The following ROBO1 variants were observed in gnomAD, a reference collection of about 807,000 sequenced individuals.
ROBO1 encodes roundabout homolog 1.
Under a neutral mutation model 195.9 loss-of-function variants are expected in ROBO1, and 149 were observed. The observed-to-expected ratio is 0.76, with a 90% CI of 0.67 to 0.87. The LOEUF (loss-of-function observed/expected upper bound fraction) is 0.87. Among genes scored for constraint, ROBO1 ranks in the 40% least tolerant of loss-of-function variants. The pLI is 0.00. For missense variants in ROBO1, 1,933 were observed against 2,068.3 expected (o/e 0.93, Z 1.27); for synonymous variants, 816 against 733.2 (o/e 1.11, Z -1.82).
chr3:79,240,000 A>G (rs1054987691), intron 2 of ROBO1, among the ~76,000 whole-genome samples: 1 of 152,218 alleles, frequency 6.6e-6, no homozygotes, highest in African/African-American at 2.4e-5. Context: ...TGACCGAATC[A>G]AACTAATTAA....
intron 4 of ROBO1, among the ~76,000 whole-genome samples, chr3:78,896,648 T>A: frequency 7.4e-6 from 1 of 135,794 alleles, no homozygotes; most frequent in Non-Finnish European, 1.5e-5. Flanking sequence ...ATAAACAGCC[T>A]TGTTGCTCAC....
intron 3 of ROBO1, among the ~76,000 whole-genome samples, chr3:79,001,311 A>C (rs1323887579): frequency 1.3e-5 from 2 of 152,086 alleles, no homozygotes; most frequent in Non-Finnish European, 1.5e-5. Context: ...TAAAACCATC[A>C]GATCTCATGA....
intron 3 of ROBO1, among the ~76,000 whole-genome samples, chr3:78,977,605 T>C (rs1030666365): frequency 2.0e-5 from 3 of 150,464 alleles, no homozygotes; most frequent in South Asian, 2.1e-4. Context: ...ATATATAATA[T>C]ATATTTTAAA....
intron 4 of ROBO1, among the ~76,000 whole-genome samples, chr3:78,879,668 G>A (rs1279680897): frequency 1.3e-5 from 2 of 151,352 alleles, no homozygotes; most frequent in South Asian, 2.1e-4. Context: ...CAATAAAAAC[G>A]TAGTCGGAAG....
chr3:78,838,998 GT>G (rs2032972606), intron 4 of ROBO1, among the ~76,000 whole-genome samples: 1 of 152,052 alleles, frequency 6.6e-6, no homozygotes, highest in Admixed American at 6.5e-5. Context: ...CTATTACCTT[GT>G]TTGATAAGCA....
At chr3:79,236,652 C>T (rs1284610243) in intron 2 of ROBO1, among the ~76,000 whole-genome samples, 2 of 151,994 alleles carry the variant, frequency 1.3e-5, no homozygotes, top group African/African-American at 4.8e-5. Context: ...AAATGAATCA[C>T]TAGTTTTGTG....
Position 78,626,650 on chromosome 3 carries a change from T to G in ROBO1, c.3875+671A>C, listed in dbSNP as rs138077848. On this transcript the variant is annotated intron_variant, in intron 26 of 30. Transcript: ENST00000464233. ...TAAAATGGTGCAGGAACAGCTTTTA[T>G]GTGGTAGAAATGCGAAGTGAAGCCA... Among the ~76,000 whole-genome samples, 358 of 152,254 alleles carry G rather than the reference T, an allele frequency of 2.4e-3. 3 individuals are homozygous for G. Among genetic ancestry groups the G allele is most frequent in the African/African-American group, 7.4e-3 (306 of 41,554 alleles).
chr3:78,688,623 A>G, intron 9 of ROBO1, 25 bp downstream of exon 9: 9 of 1,550,124 alleles, frequency 5.8e-6, no homozygotes, highest in Non-Finnish European at 7.8e-6. Flanking sequence ...TGATTTAAAA[A>G]AAAAAAGTTA....
rs1702876325 is a variant in ROBO1, at chr3:78,597,291, AT to A, written c.*1621del. The A allele has an allele frequency of 6.6e-6, 1 of 152,626 alleles. No individual in the cohort carries two copies. The highest frequency in any genetic ancestry group is 2.1e-4 in the South Asian group (1 of 4,830). 9.5% of individuals were successfully genotyped at this position (152,626 alleles called of 1,614,324 possible). A position where few individuals can be genotyped will look rare whatever the true frequency, so the allele number is the denominator to read the frequency against. On this transcript the variant is annotated 3_prime_UTR_variant, in exon 31 of 31. Transcript: ENST00000464233. ...ATGTGACAAAATTACTTTTCTGATT[AT>A]TGGATTTTCAGTATGCAAAATTATG...
At chr3:78,755,185 G>C (rs1469262376) in intron 4 of ROBO1, among the ~76,000 whole-genome samples, 5 of 152,154 alleles carry the variant, frequency 3.3e-5, no homozygotes, top group Admixed American at 3.3e-4. Flanking sequence ...TAATGGACGT[G>C]GAGGCCAGGT....
At chr3:79,108,271 A>G (rs2079820732) in intron 3 of ROBO1, among the ~76,000 whole-genome samples, 2 of 151,740 alleles carry the variant, frequency 1.3e-5, no homozygotes, top group South Asian at 4.1e-4. Context: ...AGTTACAGTT[A>G]CTCGTATAAA....
chr3:79,079,226 T>A (rs2108456816), intron 3 of ROBO1, among the ~76,000 whole-genome samples: 1 of 151,932 alleles, frequency 6.6e-6, no homozygotes, highest in African/African-American at 2.4e-5. Flanking sequence ...TTTAAAAAAA[T>A]CACGTTTTCT....
intron 4 of ROBO1, among the ~76,000 whole-genome samples, chr3:78,934,416 C>G (rs185136525): frequency 7.6e-4 from 115 of 151,812 alleles, no homozygotes; most frequent in Non-Finnish European, 8.9e-5. Context: ...GTTTTAGAAT[C>G]TGATCAAAGC....
chr3:78,981,362 A>G (rs2076986675), intron 3 of ROBO1, among the ~76,000 whole-genome samples: 1 of 152,154 alleles, frequency 6.6e-6, no homozygotes, highest in African/African-American at 2.4e-5. Context: ...CCAGCATCTC[A>G]AATAACAAAG....
intron 2 of ROBO1, among the ~76,000 whole-genome samples, chr3:79,412,956 G>A (rs551614800): frequency 3.0e-5 from 4 of 132,184 alleles, no homozygotes; most frequent in Admixed American, 1.7e-4. Flanking sequence ...CTTCCCATGG[G>A]CAAATGGAAA....
In ROBO1 at chr3:79,534,210, A is replaced by G. The variant is rs532905260; in HGVS notation, c.88+55614T>C. ...TTCACCAGAGCATCCAGAAAAGAAAAACAGTCCTGCTGACACCTTGATTTT... is the reference window on the plus strand; with the variant it reads ...TTCACCAGAGCATCCAGAAAAGAAAGACAGTCCTGCTGACACCTTGATTTT... On this transcript the variant is annotated intron_variant, in intron 2 of 30. Coordinates refer to ENST00000464233, the MANE Select transcript of ROBO1 (RefSeq NM_002941.4). Among the ~76,000 whole-genome samples the G allele has an allele frequency of 2.6e-5, 4 of 151,906 alleles. No homozygotes were observed. In the South Asian group the frequency reaches 8.3e-4, roughly 32 times the overall value.
At chr3:79,492,427 G>GAAA (rs57495210) in intron 2 of ROBO1, among the ~76,000 whole-genome samples, 2 of 109,544 alleles carry the variant, frequency 1.8e-5, no homozygotes, top group African/African-American at 7.1e-5. Context: ...CTCTGTTTCA[G>GAAA]AAAAAAAAAA....
intron 4 of ROBO1, among the ~76,000 whole-genome samples, chr3:78,825,553 A>C (rs753334365): frequency 6.6e-6 from 1 of 152,142 alleles, no homozygotes; most frequent in Non-Finnish European, 1.5e-5. Context: ...ATGGTAGCAA[A>C]ATACATTTTC....
At chr3:79,153,062 A>T (rs1455967685) in intron 2 of ROBO1, among the ~76,000 whole-genome samples, 3 of 151,778 alleles carry the variant, frequency 2.0e-5, no homozygotes, top group Non-Finnish European at 4.4e-5. Context: ...ACTTATATTT[A>T]AAAAATACTA....
Sources: allele counts gnomAD v4.1 joint callset (sites outside exome capture counted in the v4.1 genomes callset), GRCh38; gene constraint gnomAD v4.1.1; transcripts MANE v1.5; gene names NCBI Gene and HGNC (gene_info 2026-07-23, HGNC 2026-07-21).